The following TCF20 variants were observed in gnomAD, a reference collection of about 807,000 sequenced individuals.
TCF20 encodes SPRE-binding protein.
In TCF20, 3 loss-of-function variants were observed where a neutral mutation model predicts 148.6. The observed-to-expected ratio is 0.02, with a 90% CI of 0.01 to 0.05. TCF20 has a LOEUF of 0.05. Among genes scored for constraint, TCF20 ranks in the 10% least tolerant of loss-of-function variants. The probability of loss-of-function intolerance (pLI) is 1.00; values close to 1 mark genes in which losing one functional copy is unlikely to be tolerated. For synonymous variants in TCF20, 1,049 were observed against 909.5 expected (o/e 1.15, Z -2.76); for missense variants, 2,350 against 2,429.3 (o/e 0.97, Z 0.69).
rs1281615197 is a variant in TCF20 at position 42,338,506 on chromosome 22, C to T, written c.-37+4973G>A. ...GCCACTCGGCCAATCCCGAAGAGCT[C>T]GCTCAGGGGCTGCGAGTGGAAGGGC... On this transcript the variant is annotated intron_variant, in intron 1 of 1. Coordinates refer to the TCF20 transcript ENST00000515426. This position sits in a 1 kb window ranked among gnomAD's most constrained non-coding sequence, Gnocchi z 4.0. 6.6e-6 allele frequency among the ~76,000 whole-genome samples: 1 copy of T among 152,204 alleles called. No homozygotes were observed. Among genetic ancestry groups the T allele is most frequent in the African/African-American group, 2.4e-5 (1 of 41,450 alleles).
chr22:42,273,267 G>A (rs1926687951), upstream of TCF20, among the ~76,000 whole-genome samples: 1 of 147,380 alleles, frequency 6.8e-6, no homozygotes, highest in Admixed American at 7.0e-5. Context: ...GGCTGAGGCA[G>A]GAGAATCGCC....
intron 2 of TCF20, among the ~76,000 whole-genome samples, chr22:42,191,384 G>A (rs1458900575): frequency 2.6e-5 from 4 of 152,062 alleles, no homozygotes; most frequent in African/African-American, 9.7e-5. Context: ...CTACCTCCCG[G>A]GTTCAAGTGA....
At chr22:42,208,662 G>C (rs946380128) in intron 2 of TCF20, among the ~76,000 whole-genome samples, 5 of 152,122 alleles carry the variant, frequency 3.3e-5, no homozygotes, top group African/African-American at 1.2e-4. Context: ...GCTGAAGAAA[G>C]CATAGAGAAA....
chr22:42,213,081 C>T lies in TCF20; in HGVS notation c.2225G>A (p.Arg742Gln), dbSNP rs1410899229. The T allele has an allele frequency of 6.2e-6, 10 of 1,614,036 alleles. No homozygotes were observed. The highest frequency in any genetic ancestry group is 2.2e-5 in the South Asian group (2 of 91,094). The part of the protein sequence containing the change: ...EKGDFTGHGE[R>Q]KGRNEKFPSL... ...TGGGAATTTTTCATTTCTACCCTTT[C>T]GTTCCCCATGGCCAGTGAAATCTCC... is the stretch of plus-strand genomic sequence containing the variant. The change falls in exon 2 of 6, where the codon CGA becomes CAA. Residue 742 changes from arginine (R) to glutamine (Q), a missense_variant. Transcript: ENST00000677622.
At chr22:42,323,586 T>C (rs112157662) in intron 1 of TCF20, among the ~76,000 whole-genome samples, 1 of 151,562 alleles carries the variant, frequency 6.6e-6, no homozygotes. Flanking sequence ...GGAGGGGATA[T>C]AGCAAATGCA....
intron 2 of TCF20, among the ~76,000 whole-genome samples, chr22:42,206,796 A>G (rs543206511): frequency 3.6e-4 from 55 of 152,334 alleles, no homozygotes; most frequent in Non-Finnish European, 6.9e-4. Context: ...CACATTCAAT[A>G]TAATTTTTAC....
At chr22:42,275,672 A>G (rs1601688564) in intron 1 of TCF20, among the ~76,000 whole-genome samples, 3 of 152,142 alleles carry the variant, frequency 2.0e-5, no homozygotes, top group African/African-American at 7.2e-5. Flanking sequence ...TGTCATCTTC[A>G]TTGTACAGAG....
At position 42,211,445 on chromosome 22, in the gene TCF20, T is replaced by C. The variant is rs144569461; in HGVS notation, c.3861A>G (p.Ser1287=). ...STEDKGRLLH[S]SKEGADKAFN... ...ATGCTTTATCAGCGCCTTCTTTTGATGAGTGAAGGAGGCGACCTTTATCTT... is the reference window on the plus strand; with the variant it reads ...ATGCTTTATCAGCGCCTTCTTTTGACGAGTGAAGGAGGCGACCTTTATCTT... The change falls in exon 2 of 6, where the codon TCA becomes TCG. Residue 1287 remains serine (S), a synonymous_variant. Transcript: ENST00000677622. The C allele has an allele frequency of 3.7e-6, 6 of 1,614,068 alleles. No individual in the cohort carries two copies. The African/African-American group carries it at 5.3e-5, about 14-fold the overall frequency.
At chr22:42,197,309 T>C (rs1937641189) in intron 2 of TCF20, among the ~76,000 whole-genome samples, 1 of 151,582 alleles carries the variant, frequency 6.6e-6, no homozygotes, top group African/African-American at 2.4e-5. Flanking sequence ...TCATCTAATT[T>C]ACAGATGAGA....
intron 1 of TCF20, among the ~76,000 whole-genome samples, chr22:42,249,759 A>G (rs1925212886): frequency 6.6e-6 from 1 of 152,240 alleles, no homozygotes. Context: ...TCAATGGTGT[A>G]TTATTTCTGC....
At chr22:42,281,963 C>T (rs374998845) in intron 1 of TCF20, among the ~76,000 whole-genome samples, 7 of 152,226 alleles carry the variant, frequency 4.6e-5, no homozygotes, top group Non-Finnish European at 7.3e-5. Context: ...GACAGACCCA[C>T]GTCTGTGTGG....
chr22:42,287,165 G>A (rs938410829), upstream of TCF20, among the ~76,000 whole-genome samples: 1 of 152,142 alleles, frequency 6.6e-6, no homozygotes, highest in African/African-American at 2.4e-5. Flanking sequence ...GGCACATTTG[G>A]GTAGAGAGGA....
chr22:42,270,628 C>T lies in TCF20; in HGVS notation c.-326G>A, dbSNP rs914823475. Among the ~76,000 whole-genome samples the T allele has an allele frequency of 1.4e-5, 2 of 145,100 alleles. No individual in the cohort carries two copies. Among genetic ancestry groups the T allele is most frequent in the Admixed American group, 6.8e-5 (1 of 14,690 alleles). On this transcript the variant is annotated 5_prime_UTR_variant, in exon 1 of 6. An upstream start codon of the reference 5' UTR is lost. Transcript: ENST00000677622. ...GGCTGGGCTCGGGGTTTTTTCTCTCCATTCTCCCAACACACAGGAAATAAC... is the reference window on the plus strand; with the variant it reads ...GGCTGGGCTCGGGGTTTTTTCTCTCTATTCTCCCAACACACAGGAAATAAC...
chr22:42,171,457 A>G (rs114800255), intron 3 of TCF20, among the ~76,000 whole-genome samples: 480 of 152,294 alleles, frequency 3.2e-3, no homozygotes, highest in African/African-American at 0.011. Flanking sequence ...AGACCCTTTT[A>G]TATTTGGCCA....
chr22:42,273,986 T>G (rs1926712553), upstream of TCF20: 1 of 152,596 alleles, frequency 6.6e-6, no homozygotes, highest in Non-Finnish European at 1.5e-5. Context: ...TGAGCCAGGG[T>G]GTCGGTGCCT....
At chr22:42,189,700 G>C (rs1937231427) in intron 2 of TCF20, among the ~76,000 whole-genome samples, 1 of 152,160 alleles carries the variant, frequency 6.6e-6, no homozygotes, top group African/African-American at 2.4e-5. Flanking sequence ...ATAAATCCCT[G>C]CTAGCAAGCT....
Position 42,214,198 on chromosome 22 carries a change from G to A in TCF20, c.1108C>T (p.Pro370Ser), listed in dbSNP as rs1311188430. 2 of 1,614,216 alleles carry A rather than the reference G, an allele frequency of 1.2e-6. No individual in the cohort carries two copies. Among genetic ancestry groups the A allele is most frequent in the African/African-American group, 1.3e-5 (1 of 75,056 alleles). The change falls in exon 2 of 6, where the codon CCT becomes TCT. Residue 370 changes from proline to serine, a missense_variant. This residue lies in a region of TCF20 where 1,641 missense variants were observed against 1,662.6 expected (regional missense o/e 0.99). Transcript: ENST00000677622. Reference protein sequence around the residue: ...FHQNFSPISNPSPAASVVQSP... With the variant: ...FHQNFSPISNSSPAASVVQSP... ...TGAACCACAGAGGCAGCTGGAGAAGGGTTAGAAATGGGGCTGAAGTTCTGG... is the reference window on the plus strand; with the variant it reads ...TGAACCACAGAGGCAGCTGGAGAAGAGTTAGAAATGGGGCTGAAGTTCTGG...
chr22:42,200,809 T>C (rs1341720522), intron 2 of TCF20, among the ~76,000 whole-genome samples: 1 of 152,204 alleles, frequency 6.6e-6, no homozygotes, highest in Non-Finnish European at 1.5e-5. Flanking sequence ...GATGTCTCCC[T>C]ACTTATTTCC....
chr22:42,247,108 A>G (rs1924982396), intron 1 of TCF20, among the ~76,000 whole-genome samples: 1 of 152,140 alleles, frequency 6.6e-6, no homozygotes, highest in Admixed American at 6.6e-5. Flanking sequence ...GGAGAAAAGT[A>G]ACATTTGAGA....
Sources: gnomAD v4.1 joint callset for allele counts (sites outside exome capture counted in the v4.1 genomes callset) on GRCh38, gnomAD v4.1.1 for gene constraint, gnomAD v4.1.1 regional missense constraint, Gnocchi (gnomAD v3.1) non-coding constraint, MANE v1.5 for transcripts, NCBI Gene and HGNC (gene_info 2026-07-23, HGNC 2026-07-21) for gene names.